Variants in RAB6A observed in about 807,000 individuals in gnomAD.
RAB6A encodes ras-related protein Rab-6A.
In RAB6A, 8 loss-of-function variants were observed where a neutral mutation model predicts 32.3. That is an observed-to-expected ratio of 0.25 (90% CI 0.15 to 0.45). RAB6A has a LOEUF of 0.45. Among genes scored for constraint, RAB6A ranks in the 20% least tolerant of loss-of-function variants. RAB6A has a pLI of 1.00. For missense variants in RAB6A, 104 were observed against 249.4 expected, an observed-to-expected ratio of 0.42 and a Z score of 3.93; for synonymous variants, 73 against 82.1, an observed-to-expected ratio of 0.89 and a Z score of 0.60.
intron 6 of RAB6A, among the ~76,000 whole-genome samples, chr11:73,688,540 C>T (rs1945496073): frequency 6.6e-6 from 1 of 152,144 alleles, no homozygotes; most frequent in Admixed American, 6.5e-5. Context: ...TGAGTTGGTG[C>T]CATTCTGTGT....
chr11:73,694,179 G>A (rs904388577), intron 6 of RAB6A, among the ~76,000 whole-genome samples: 2 of 152,038 alleles, frequency 1.3e-5, no homozygotes, highest in Non-Finnish European at 2.9e-5. Context: ...GTGCAGCTAG[G>A]GTTAAGAACC....
At chr11:73,730,744 A>C in intron 2 of RAB6A, 21 bp downstream of exon 2, 2 of 1,571,940 alleles carry the variant, frequency 1.3e-6, no homozygotes, top group Non-Finnish European at 1.7e-6. Flanking sequence ...GACAACAAAT[A>C]AATTGGCAAA....
Position 73,726,581 on chromosome 11 carries a change from C to CAAAAAAAA in RAB6A, c.129+4176_129+4183dup, listed in dbSNP as rs60281561. 1.3e-3 allele frequency among the ~76,000 whole-genome samples: 38 copies of CAAAAAAAA among 29,862 alleles called. 7 individuals are homozygous for CAAAAAAAA. The highest frequency in any genetic ancestry group is 2.4e-3 in the East Asian group (2 of 820). 19.6% of individuals were successfully genotyped at this position (29,862 alleles called of 152,430 possible). A position where few individuals can be genotyped will look rare whatever the true frequency, so the allele number is the denominator to read the frequency against. On this transcript the variant is annotated intron_variant, in intron 2 of 7. Transcript: ENST00000336083. ...TGGGTGACAGAGTGAGACTCTGTCT[C>CAAAAAAAA]AAAAAAAAAAAAAAAAAAAAAAAAA...
chr11:73,714,229 T>TATATATATATATATAC (rs79775489), intron 5 of RAB6A, among the ~76,000 whole-genome samples: 18 of 117,502 alleles, frequency 1.5e-4, no homozygotes, highest in African/African-American at 5.1e-4. Flanking sequence ...TATATATATA[T>TATATATATATATATAC]ACACACATAT....
At chr11:73,726,581 C>CAAAAAA (rs60281561) in intron 2 of RAB6A, among the ~76,000 whole-genome samples, 2,474 of 29,820 alleles carry the variant, frequency 0.083, 883 homozygotes, top group East Asian at 0.11. Flanking sequence ...GACTCTGTCT[C>CAAAAAA]AAAAAAAAAA....
intron 5 of RAB6A, among the ~76,000 whole-genome samples, chr11:73,715,378 C>A (rs570511392): frequency 6.6e-6 from 1 of 152,296 alleles, no homozygotes; most frequent in East Asian, 1.9e-4. Flanking sequence ...CCGTCCTTGG[C>A]CTCCCAAAGT....
At chr11:73,740,510 A>G (rs934648719) in intron 1 of RAB6A, among the ~76,000 whole-genome samples, 1 of 152,216 alleles carries the variant, frequency 6.6e-6, no homozygotes, top group Non-Finnish European at 1.5e-5. Context: ...CAATAAAACT[A>G]AAGTTTAAAA....
chr11:73,731,230 A>C lies in RAB6A; in HGVS notation c.71-407T>G, dbSNP rs541012712. 2.6e-5 allele frequency among the ~76,000 whole-genome samples: 4 copies of C among 152,096 alleles called. No homozygotes were observed. The South Asian group carries it at 6.2e-4, about 24-fold the overall frequency. ...GTCTTAGAAGGGGTATGAGGGCTAC[A>C]AGAACTACACTGTTTTAAGAGTGAG... On this transcript the variant is annotated intron_variant, in intron 1 of 7. Transcript: ENST00000336083.
At chr11:73,743,685 T>G (rs1946536559) in intron 1 of RAB6A, among the ~76,000 whole-genome samples, 1 of 152,158 alleles carries the variant, frequency 6.6e-6, no homozygotes, top group African/African-American at 2.4e-5. Context: ...TCTCACACCT[T>G]TAACAAACAT....
intron 6 of RAB6A, among the ~76,000 whole-genome samples, chr11:73,689,833 T>C (rs776675593): frequency 4.7e-5 from 7 of 149,852 alleles, no homozygotes; most frequent in Admixed American, 1.3e-4. Context: ...TCTGTGGAGG[T>C]TGCAGTGAGT....
At chr11:73,739,580 A>T (rs1946463220) in intron 1 of RAB6A, among the ~76,000 whole-genome samples, 1 of 151,622 alleles carries the variant, frequency 6.6e-6, no homozygotes, top group Non-Finnish European at 1.5e-5. Flanking sequence ...GGGCTCAAGA[A>T]ATCCTGCCAC....
chr11:73,707,430 T>C lies in RAB6A; in HGVS notation c.485A>G (p.Asn162Ser). The change falls in exon 6 of 8, where the codon AAT (asparagine) becomes AGT (serine). Residue 162 changes from asparagine to serine, a missense_variant. This residue lies in a region of RAB6A where 33 missense variants were observed against 59.5 expected (regional missense o/e 0.55). Transcript: ENST00000336083. ...FIETSAKAGY[N>S]VKQLFRRVAA... ...CTCAACTCAACTTACCTGCTTTACA[T>C]TGTATCCAGCTTTTGCACTAGTTTC... 2 of 1,611,600 alleles carry C rather than the reference T, an allele frequency of 1.2e-6. No individual in the cohort carries two copies. The highest frequency in any genetic ancestry group is 1.1e-5 in the South Asian group (1 of 90,956).
chr11:73,720,815 C>A, intron 3 of RAB6A, 31 bp downstream of exon 3: 1 of 1,547,952 alleles, frequency 6.5e-7, no homozygotes, highest in Non-Finnish European at 8.9e-7. Context: ...TGGAATGTTG[C>A]AGAAAATTGC....
At chr11:73,695,894 C>T (rs1373954718) in intron 6 of RAB6A, among the ~76,000 whole-genome samples, 1 of 152,122 alleles carries the variant, frequency 6.6e-6, no homozygotes, top group Admixed American at 6.6e-5. Context: ...TAGAAACTTT[C>T]AAGTTGAATA....
At chr11:73,752,860 A>T (rs1328450905) in intron 1 of RAB6A, among the ~76,000 whole-genome samples, 2 of 152,076 alleles carry the variant, frequency 1.3e-5, no homozygotes, top group Non-Finnish European at 2.9e-5. Context: ...AGAAAAAAAT[A>T]ATAAAAAAAT....
At chr11:73,759,072 G>A (rs1434223406) in intron 1 of RAB6A, among the ~76,000 whole-genome samples, 1 of 152,116 alleles carries the variant, frequency 6.6e-6, no homozygotes, top group Non-Finnish European at 1.5e-5. Flanking sequence ...CCTCTGTGAT[G>A]GCATACAAAT....
intron 2 of RAB6A, among the ~76,000 whole-genome samples, chr11:73,724,517 G>A (rs1482933734): frequency 1.5e-5 from 2 of 130,428 alleles, no homozygotes; most frequent in African/African-American, 3.0e-5. Flanking sequence ...ACGGAGTCTC[G>A]CTCTGTCACC....
chr11:73,755,575 G>C (rs1946735411), intron 1 of RAB6A, among the ~76,000 whole-genome samples: 1 of 152,150 alleles, frequency 6.6e-6, no homozygotes, highest in South Asian at 2.1e-4. Flanking sequence ...TTATAGGCGT[G>C]AGCCACCGCA....
Position 73,716,375 on chromosome 11 carries a change from G to A in RAB6A, c.290-13C>T. ...AATGAGTTAACATCTAGTATAGGAG[G>A]GTAGACAGAGAGATTAGTGTTGCTG... On this transcript the variant is annotated splice_polypyrimidine_tract_variant and intron_variant, in intron 4 of 7. Coordinates refer to ENST00000336083, the MANE Select transcript of RAB6A (RefSeq NM_198896.2). The A allele has an allele frequency of 6.3e-7, 1 of 1,584,342 alleles. No individual in the cohort carries two copies. Among genetic ancestry groups the A allele is most frequent in the Non-Finnish European group, 8.7e-7 (1 of 1,154,256 alleles).
Sources: allele counts gnomAD v4.1 joint callset (sites outside exome capture counted in the v4.1 genomes callset), GRCh38; gene constraint gnomAD v4.1.1; regional missense constraint gnomAD v4.1.1; transcripts MANE v1.5; gene names NCBI Gene and HGNC (gene_info 2026-07-23, HGNC 2026-07-21).